Variants in ROBO1 observed in about 807,000 individuals in gnomAD.
ROBO1 encodes roundabout guidance receptor 1.
ROBO1 carries 149 observed loss-of-function variants against 195.9 expected under a neutral mutation model. That is an observed-to-expected ratio of 0.76 (90% CI 0.67 to 0.87). ROBO1 has a LOEUF of 0.87. Ranked by LOEUF, ROBO1 falls within the 40% of genes least tolerant of loss-of-function variation. ROBO1 has a pLI of 0.00. For synonymous variants in ROBO1, 816 were observed against 733.2 expected (o/e 1.11, Z -1.82); for missense variants, 1,933 against 2,068.3 (o/e 0.93, Z 1.27).
chr3:79,157,670 G>T (rs78236765), intron 2 of ROBO1, among the ~76,000 whole-genome samples: 3,446 of 151,922 alleles, frequency 0.023, 111 homozygotes, highest in African/African-American at 0.075. Flanking sequence ...AGAATAATTT[G>T]TTCTAAAAAT....
In ROBO1 at chr3:78,632,521, T is replaced by C. The variant is rs976584873; in HGVS notation, c.3482-1216A>G. Among the ~76,000 whole-genome samples the C allele has an allele frequency of 4.6e-5, 7 of 152,342 alleles. No homozygotes were observed. In the East Asian group the frequency reaches 1.2e-3, roughly 25 times the overall value. On this transcript the variant is annotated intron_variant, in intron 24 of 30. Coordinates refer to ENST00000464233, the MANE Select transcript of ROBO1 (RefSeq NM_002941.4). ...ACATCTTCCTCTGGATTTCCTGATA[T>C]ACATCTACTGTAGCAACTCCATCAG...
chr3:78,990,708 T>C (rs1176418179), intron 3 of ROBO1, among the ~76,000 whole-genome samples: 1 of 152,162 alleles, frequency 6.6e-6, no homozygotes, highest in Non-Finnish European at 1.5e-5. Context: ...AGTTAGGCTT[T>C]ATTAAAATTT....
chr3:79,345,142 A>C (rs2035061915), intron 2 of ROBO1, among the ~76,000 whole-genome samples: 1 of 152,200 alleles, frequency 6.6e-6, no homozygotes, highest in Admixed American at 6.5e-5. Context: ...GAAAATAGGA[A>C]GAGGTCTAGA....
At chr3:78,944,735 C>G (rs1385162601) in intron 3 of ROBO1, among the ~76,000 whole-genome samples, 1 of 152,204 alleles carries the variant, frequency 6.6e-6, no homozygotes, top group Non-Finnish European at 1.5e-5. Context: ...CCAGGAAGCG[C>G]AAGGGGTCAG....
chr3:79,292,172 CTGTT>C (rs1377493647), intron 2 of ROBO1, among the ~76,000 whole-genome samples: 3 of 152,134 alleles, frequency 2.0e-5, no homozygotes, highest in Non-Finnish European at 2.9e-5. Flanking sequence ...ATTTGGTTCT[CTGTT>C]TGTCTATTAT....
chr3:79,569,679 A>ATG (rs779659066), intron 2 of ROBO1, among the ~76,000 whole-genome samples: 3 of 132,028 alleles, frequency 2.3e-5, no homozygotes, highest in African/African-American at 8.2e-5. Flanking sequence ...GTGTGTATAT[A>ATG]TGTGTGTGTG....
intron 2 of ROBO1, among the ~76,000 whole-genome samples, chr3:79,183,772 C>T (rs1028912438): frequency 6.6e-6 from 1 of 152,120 alleles, no homozygotes; most frequent in Non-Finnish European, 1.5e-5. Context: ...CATAGCCAAA[C>T]TGATAATGGG....
intron 2 of ROBO1, among the ~76,000 whole-genome samples, chr3:79,362,093 C>T (rs1362987767): frequency 6.6e-6 from 1 of 151,754 alleles, no homozygotes; most frequent in Non-Finnish European, 1.5e-5. Context: ...AATAATGAGG[C>T]AAGCCTATGA....
chr3:79,269,308 A>T (rs1285726300), intron 2 of ROBO1, among the ~76,000 whole-genome samples: 1 of 151,792 alleles, frequency 6.6e-6, no homozygotes, highest in African/African-American at 2.4e-5. Context: ...TCAAGTATTT[A>T]GCACAGTGAC....
intron 2 of ROBO1, among the ~76,000 whole-genome samples, chr3:79,184,402 C>A (rs991396692): frequency 6.6e-6 from 1 of 152,130 alleles, no homozygotes; most frequent in Non-Finnish European, 1.5e-5. Context: ...CAGCAGACAG[C>A]AACATGCTGT....
At chr3:78,765,164 C>T (rs531401393) in intron 4 of ROBO1, among the ~76,000 whole-genome samples, 50 of 152,082 alleles carry the variant, frequency 3.3e-4, no homozygotes, top group East Asian at 1.4e-3. Flanking sequence ...GGCCTTCTCT[C>T]GAAGTTTCTA....
At chr3:78,760,088 C>T (rs987476908) in intron 4 of ROBO1, among the ~76,000 whole-genome samples, 2 of 152,094 alleles carry the variant, frequency 1.3e-5, no homozygotes, top group Non-Finnish European at 2.9e-5. Flanking sequence ...CGAGATCTGA[C>T]GGTTTTATAT....
At chr3:79,483,913 G>T (rs1939004724) in intron 2 of ROBO1, among the ~76,000 whole-genome samples, 1 of 152,114 alleles carries the variant, frequency 6.6e-6, no homozygotes, top group South Asian at 2.1e-4. Flanking sequence ...GGGAAGGAAA[G>T]CTTTCTCAGT....
rs540612814 is a variant in ROBO1, at chr3:79,102,925, A to G, written c.172+22531T>C. Among the ~76,000 whole-genome samples, 6 of 151,968 alleles carry G rather than the reference A, an allele frequency of 3.9e-5. No individual in the cohort carries two copies. The East Asian group carries it at 1.2e-3, about 29-fold the overall frequency. ...TAGATTATGTATAGAATTGATAGCT[A>G]GAAATTCCTAGTGGCCTGGGATAAA... On this transcript the variant is annotated intron_variant, in intron 3 of 30. Coordinates refer to ENST00000464233, the MANE Select transcript of ROBO1 (RefSeq NM_002941.4).
At chr3:78,696,349 T>C (rs2081289625) in intron 8 of ROBO1, among the ~76,000 whole-genome samples, 1 of 152,092 alleles carries the variant, frequency 6.6e-6, no homozygotes, top group Non-Finnish European at 1.5e-5. Context: ...TATAAAATGT[T>C]GGCACTGGAA....
At chr3:79,068,909 T>C (rs1364070999) in intron 3 of ROBO1, among the ~76,000 whole-genome samples, 1 of 151,940 alleles carries the variant, frequency 6.6e-6, no homozygotes, top group Non-Finnish European at 1.5e-5. Context: ...AATTCCTTTC[T>C]CTTCCATTAT....
At chr3:79,627,537 C>T (rs1482982222) in intron 1 of ROBO1, among the ~76,000 whole-genome samples, 1 of 152,024 alleles carries the variant, frequency 6.6e-6, no homozygotes, top group Non-Finnish European at 1.5e-5. Context: ...AAATCAAAAG[C>T]CATAAAAATT....
intron 2 of ROBO1, among the ~76,000 whole-genome samples, chr3:79,206,523 CAT>C (rs1232857559): frequency 6.6e-6 from 1 of 152,098 alleles, no homozygotes; most frequent in Non-Finnish European, 1.5e-5. Flanking sequence ...AGGCATACTA[CAT>C]ATAGAGTTCA....
chr3:79,731,364 A>G (rs1313189259), intron 1 of ROBO1, among the ~76,000 whole-genome samples: 1 of 152,148 alleles, frequency 6.6e-6, no homozygotes, highest in Non-Finnish European at 1.5e-5. Flanking sequence ...CATGTAAAGT[A>G]TGTCCCTGAG....
Sources: allele counts gnomAD v4.1 joint callset (sites outside exome capture counted in the v4.1 genomes callset), GRCh38; gene constraint gnomAD v4.1.1; transcripts MANE v1.5; gene names NCBI Gene and HGNC (gene_info 2026-07-23, HGNC 2026-07-21).